DLGAP1: variants seen among roughly 807,000 people sequenced by gnomAD.
The protein encoded by DLGAP1 is DLG associated protein 1.
Under a neutral mutation model 90.8 loss-of-function variants are expected in DLGAP1, and 11 were observed. The observed-to-expected ratio is 0.12, with a 90% confidence interval of 0.08 to 0.20. The LOEUF is 0.20. Among genes scored for constraint, DLGAP1 ranks in the 10% least tolerant of loss-of-function variants. The probability of loss-of-function intolerance (pLI) is 1.00; values close to 1 mark genes in which losing one functional copy is unlikely to be tolerated. For synonymous variants in DLGAP1, 558 were observed against 540.7 expected, an observed-to-expected ratio of 1.03 and a Z score of -0.44; for missense variants, 1,050 against 1,333.8, an observed-to-expected ratio of 0.79 and a Z score of 3.31.
At chr18:3,695,780 A>C (rs1401317194) in intron 7 of DLGAP1, among the ~76,000 whole-genome samples, 1 of 152,212 alleles carries the variant, frequency 6.6e-6, no homozygotes, top group Non-Finnish European at 1.5e-5. Context: ...TTTAATCTAT[A>C]AATTACTTTG....
intron 1 of DLGAP1, among the ~76,000 whole-genome samples, chr18:4,359,026 T>TA (rs1414613816): frequency 2.6e-5 from 4 of 152,228 alleles, no homozygotes; most frequent in African/African-American, 9.6e-5. Flanking sequence ...CTCAAACTCC[T>TA]AAAGGAAGCT....
intron 5 of DLGAP1, among the ~76,000 whole-genome samples, chr18:3,777,311 A>T (rs575130441): frequency 1.7e-4 from 26 of 152,308 alleles, no homozygotes; most frequent in South Asian, 1.7e-3. Flanking sequence ...GGGACCAGAA[A>T]CTTCATGATA....
chr18:3,862,211 C>A (rs1366502747), intron 4 of DLGAP1, among the ~76,000 whole-genome samples: 1 of 152,172 alleles, frequency 6.6e-6, no homozygotes, highest in Non-Finnish European at 1.5e-5. Flanking sequence ...GTAAACTGAA[C>A]CTGTCAGAGG....
At chr18:3,805,444 G>T (rs2066517972) in intron 5 of DLGAP1, among the ~76,000 whole-genome samples, 1 of 152,176 alleles carries the variant, frequency 6.6e-6, no homozygotes, top group Admixed American at 6.6e-5. Flanking sequence ...GAGGCTGGGG[G>T]CGTCAATACA....
At chr18:4,441,520 C>T (rs1412173221) in intron 1 of DLGAP1, among the ~76,000 whole-genome samples, 1 of 152,184 alleles carries the variant, frequency 6.6e-6, no homozygotes, top group Non-Finnish European at 1.5e-5. Context: ...TAAAAGGACA[C>T]ATGGTGATTT....
intron 7 of DLGAP1, among the ~76,000 whole-genome samples, chr18:3,628,167 C>T (rs560515481): frequency 5.4e-5 from 8 of 148,776 alleles, no homozygotes; most frequent in South Asian, 2.1e-4. Flanking sequence ...TGAGCCACTG[C>T]GCCTGGCCTT....
intron 2 of DLGAP1, among the ~76,000 whole-genome samples, chr18:4,006,067 A>G (rs1303726713): frequency 6.6e-6 from 1 of 152,196 alleles, no homozygotes; most frequent in African/African-American, 2.4e-5. Context: ...AGACCATGAC[A>G]ACACTGAGGC....
At chr18:4,398,747 A>G (rs1169147243) in intron 1 of DLGAP1, among the ~76,000 whole-genome samples, 1 of 152,182 alleles carries the variant, frequency 6.6e-6, no homozygotes. Flanking sequence ...GCCAGGGGTA[A>G]TTCATTAAAT....
At chr18:3,993,676 T>C (rs1261294064) in intron 3 of DLGAP1, among the ~76,000 whole-genome samples, 1 of 152,172 alleles carries the variant, frequency 6.6e-6, no homozygotes, top group Non-Finnish European at 1.5e-5. Flanking sequence ...AGACTGGGGA[T>C]GACGAGTTTA....
At chr18:4,214,314 T>TC (rs2077907115) in intron 1 of DLGAP1, among the ~76,000 whole-genome samples, 1 of 151,254 alleles carries the variant, frequency 6.6e-6, no homozygotes, top group Non-Finnish European at 1.5e-5. Context: ...GAAACAGATT[T>TC]TTTTTTTTTG....
At chr18:3,561,991 G>A (rs900666444) in intron 9 of DLGAP1, among the ~76,000 whole-genome samples, 1 of 150,612 alleles carries the variant, frequency 6.6e-6, no homozygotes, top group East Asian at 1.9e-4. Context: ...CACTTTGGGA[G>A]GCCGAGGCGG....
chr18:4,148,172 C>T (rs895111018), intron 2 of DLGAP1, among the ~76,000 whole-genome samples: 5 of 151,982 alleles, frequency 3.3e-5, no homozygotes, highest in African/African-American at 1.2e-4. Context: ...CAAAATAAAG[C>T]GGGCTAGATA....
At chr18:3,712,936 T>C (rs1047970160) in intron 7 of DLGAP1, among the ~76,000 whole-genome samples, 4 of 152,226 alleles carry the variant, frequency 2.6e-5, no homozygotes, top group Admixed American at 2.0e-4. Flanking sequence ...CTGTTTCCTT[T>C]ACAGAGTTAT....
At chr18:4,076,633 A>T (rs8085375) in intron 2 of DLGAP1, among the ~76,000 whole-genome samples, 123,846 of 151,830 alleles carry the variant, frequency 0.82, 50,761 homozygotes, top group East Asian at 0.93. Context: ...TATTATTATT[A>T]TTTTTCTTGA....
At chr18:4,120,143 T>C (rs1006647587) in intron 2 of DLGAP1, among the ~76,000 whole-genome samples, 5 of 152,246 alleles carry the variant, frequency 3.3e-5, no homozygotes, top group Non-Finnish European at 5.9e-5. Flanking sequence ...ATTATAATGC[T>C]ATTTATTAGG....
intron 2 of DLGAP1, among the ~76,000 whole-genome samples, chr18:4,134,059 T>A (rs2076361033): frequency 6.6e-6 from 1 of 152,112 alleles, no homozygotes; most frequent in Admixed American, 6.6e-5. Context: ...TCATGATGCA[T>A]AATTATACAA....
At chr18:3,868,953 G>A (rs1014401575) in intron 4 of DLGAP1, among the ~76,000 whole-genome samples, 4 of 152,124 alleles carry the variant, frequency 2.6e-5, no homozygotes, top group Non-Finnish European at 4.4e-5. Context: ...AAAGCACCAC[G>A]GAGGAAACAC....
chr18:3,724,887 A>C (rs2062106551), intron 7 of DLGAP1, among the ~76,000 whole-genome samples: 2 of 149,572 alleles, frequency 1.3e-5, no homozygotes, highest in Middle Eastern at 3.4e-3. Context: ...CCTAGGTGAC[A>C]CAGGGAAACT....
intron 9 of DLGAP1, among the ~76,000 whole-genome samples, chr18:3,541,918 G>C (rs1026697529): frequency 6.6e-6 from 1 of 151,434 alleles, no homozygotes; most frequent in South Asian, 2.1e-4. Flanking sequence ...AAAAAAAAAA[G>C]GGGTAACAGT....
Sources: allele counts gnomAD v4.1 joint callset (sites outside exome capture counted in the v4.1 genomes callset), GRCh38; gene constraint gnomAD v4.1.1; transcripts MANE v1.5; gene names NCBI Gene and HGNC (gene_info 2026-07-23, HGNC 2026-07-21).